The following ACER1 variants were observed in gnomAD, a reference collection of about 807,000 sequenced individuals.
The protein encoded by ACER1 is CTB-180A7.3.
Under a neutral mutation model 24.9 loss-of-function variants are expected in ACER1, and 28 were observed. The ratio of observed to expected loss-of-function variants is 1.13; its 90% CI spans 0.83 to 1.54. The LOEUF is 1.54. Ranked by LOEUF, ACER1 falls within the 40% of genes most tolerant of loss-of-function variation. The pLI is 0.00. For missense variants in ACER1, 352 were observed against 349.3 expected, an observed-to-expected ratio of 1.01 and a Z score of -0.06; for synonymous variants, 132 against 131.4, an observed-to-expected ratio of 1.00 and a Z score of -0.03.
At chr19:6,324,845 GAAAGAGAGAGAGAGA>G (rs2091651556) in intron 1 of ACER1, among the ~76,000 whole-genome samples, 1 of 138,292 alleles carries the variant, frequency 7.2e-6, no homozygotes, top group Non-Finnish European at 1.5e-5. Flanking sequence ...AGGAAGGAAG[GAAAGAGAGAGAGAGA>G]AAGGAAGGAA....
chr19:6,327,340 C>T (rs1279315812), intron 1 of ACER1, among the ~76,000 whole-genome samples: 2 of 151,670 alleles, frequency 1.3e-5, no homozygotes, highest in East Asian at 1.9e-4. Context: ...CTGAGGCAGG[C>T]GGATCACAAA....
intron 1 of ACER1, among the ~76,000 whole-genome samples, chr19:6,320,363 A>C (rs1316254629): frequency 6.6e-6 from 1 of 152,056 alleles, no homozygotes; most frequent in East Asian, 1.9e-4. Context: ...CCCAGGCTGG[A>C]GTGTAGCGGC....
At chr19:6,337,319 C>T (rs1254134519), upstream of ACER1, among the ~76,000 whole-genome samples, 2 of 152,012 alleles carry the variant, frequency 1.3e-5, no homozygotes, top group African/African-American at 2.4e-5. Flanking sequence ...AAAAGAAAAG[C>T]CCTTCATTAG....
intron 3 of ACER1, among the ~76,000 whole-genome samples, chr19:6,310,140 TGCA>T (rs1249526600): frequency 6.6e-6 from 1 of 151,544 alleles, no homozygotes; most frequent in Non-Finnish European, 1.5e-5. Flanking sequence ...CAGGCTGGAG[TGCA>T]GCAGTGCGAT....
intron 4 of ACER1, among the ~76,000 whole-genome samples, chr19:6,308,025 A>G (rs2091560384): frequency 6.9e-6 from 1 of 144,762 alleles, no homozygotes. Context: ...GGAGGTTGCA[A>G]TGAGCCGGGA....
rs374848614 is a variant in ACER1 at position 6,309,514 on chromosome 19, T to A, written c.488+183A>T. ...TCCAGCCTGGGCAACAGAGCGAGGA[T>A]CCGTCTCAAGAAAAAAAATAATAAT... On this transcript the variant is annotated intron_variant, in intron 4 of 5. Coordinates refer to ENST00000301452, the MANE Select transcript of ACER1 (RefSeq NM_133492.3). Among the ~76,000 whole-genome samples, 37 of 151,362 alleles carry A rather than the reference T, an allele frequency of 2.4e-4. 1 individual carries two copies. The highest frequency in any genetic ancestry group is 1.7e-3 in the East Asian group (9 of 5,156).
At chr19:6,309,918 G>T in intron 3 of ACER1, 84 bp from the exon 4 acceptor site, 1 of 1,552,484 alleles carries the variant, frequency 6.4e-7, no homozygotes, top group South Asian at 1.1e-5. Context: ...CGTGGCCCAG[G>T]TGGGTGAGAA....
At chr19:6,335,174 A>T (rs2091708444), upstream of ACER1, among the ~76,000 whole-genome samples, 1 of 140,920 alleles carries the variant, frequency 7.1e-6, no homozygotes, top group African/African-American at 2.6e-5. Flanking sequence ...ATATTATATA[A>T]TTTTTCTTTT....
At chr19:6,340,231 A>G in the ACER1 span, among the ~76,000 whole-genome samples, 2 of 136,698 alleles carry the variant, frequency 1.5e-5, no homozygotes, top group Non-Finnish European at 3.1e-5. Context: ...TAGTCAGCCA[A>G]GATCGCGCCA....
chr19:6,347,109 A>AATATATATATATATATATATATAT, the ACER1 span, among the ~76,000 whole-genome samples: 2 of 113,766 alleles, frequency 1.8e-5, no homozygotes, highest in African/African-American at 1.0e-4. Flanking sequence ...AAAAAAAAAA[A>AATATATATATATATATATATATAT]ATATATATAT....
At chr19:6,346,985 G>A in the ACER1 span, among the ~76,000 whole-genome samples, 3 of 150,646 alleles carry the variant, frequency 2.0e-5, no homozygotes, top group Non-Finnish European at 4.4e-5. Flanking sequence ...TTGCAGACAG[G>A]GCATGGTGAC....
intron 3 of ACER1, 50 bp from the exon 4 acceptor site, chr19:6,309,884 G>A: frequency 6.2e-7 from 1 of 1,608,068 alleles, no homozygotes; most frequent in Non-Finnish European, 8.5e-7. Context: ...TCCTGGGATT[G>A]TAGGCATGGT....
chr19:6,327,577 T>C (rs1473688692), intron 1 of ACER1, among the ~76,000 whole-genome samples: 1 of 148,986 alleles, frequency 6.7e-6, no homozygotes, highest in Non-Finnish European at 1.5e-5. Flanking sequence ...AATAAATAAA[T>C]AAATAAATAA....
chr19:6,349,387 A>AGGAG, the ACER1 span, among the ~76,000 whole-genome samples: 2 of 139,886 alleles, frequency 1.4e-5, no homozygotes, highest in South Asian at 2.7e-4. Context: ...GAGGGAAGGA[A>AGGAG]GGAGGGAGGG....
the ACER1 span, among the ~76,000 whole-genome samples, chr19:6,341,977 A>G: frequency 6.6e-6 from 1 of 152,178 alleles, no homozygotes; most frequent in South Asian, 2.1e-4. Context: ...CTTTCCATGT[A>G]GTGGAGCAAT....
At chr19:6,357,575 C>T in the ACER1 span, among the ~76,000 whole-genome samples, 1 of 151,964 alleles carries the variant, frequency 6.6e-6, no homozygotes. Flanking sequence ...AGTTCGAGAC[C>T]AGCCTGGCCA....
the ACER1 span, among the ~76,000 whole-genome samples, chr19:6,354,899 T>C: frequency 2.0e-5 from 3 of 152,176 alleles, no homozygotes; most frequent in African/African-American, 7.2e-5. Flanking sequence ...ACTGCTGCCA[T>C]CTCGGCTCAC....
chr19:6,307,025 G>T (rs1004816786), intron 5 of ACER1, 128 bp downstream of exon 5: 7 of 1,495,456 alleles, frequency 4.7e-6, no homozygotes, highest in African/African-American at 2.8e-5. Flanking sequence ...TTCCCCTACC[G>T]CCAGGTCCCA....
the ACER1 span, among the ~76,000 whole-genome samples, chr19:6,345,565 CT>C: frequency 0.26 from 34,264 of 130,142 alleles, 7,012 homozygotes; most frequent in African/African-American, 0.6. Context: ...GTATTAGATT[CT>C]TTTTTTTTTT....
Sources: allele counts gnomAD v4.1 joint callset (sites outside exome capture counted in the v4.1 genomes callset), GRCh38; gene constraint gnomAD v4.1.1; transcripts MANE v1.5; gene names NCBI Gene and HGNC (gene_info 2026-07-23, HGNC 2026-07-21).